TUSC3: variants seen among roughly 807,000 people sequenced by gnomAD.
The protein encoded by TUSC3 is tumor suppressor candidate 3, also known as dolichyl-diphosphooligosaccharide--protein glycosyltransferase subunit TUSC3.
In TUSC3, 45 loss-of-function variants were observed where a neutral mutation model predicts 44.8. The ratio of observed to expected loss-of-function variants is 1.00; its 90% CI spans 0.79 to 1.29. The LOEUF is 1.29. Ranked by LOEUF, TUSC3 falls within the 50% of genes most tolerant of loss-of-function variation. The pLI, the probability that TUSC3 is intolerant of heterozygous loss-of-function variation, is 0.00. For synonymous variants in TUSC3, 212 were observed against 152.9 expected, an observed-to-expected ratio of 1.39 and a Z score of -2.85; for missense variants, 519 against 437.9, an observed-to-expected ratio of 1.19 and a Z score of -1.65.
chr8:15,444,490 G>T (rs1800064915), intron 1 of TUSC3, among the ~76,000 whole-genome samples: 1 of 152,188 alleles, frequency 6.6e-6, no homozygotes, highest in African/African-American at 2.4e-5. Context: ...TCTTGCTGTA[G>T]GCAGACCAGG....
intron 1 of TUSC3, among the ~76,000 whole-genome samples, chr8:15,443,763 G>C (rs1424022424): frequency 7.9e-5 from 12 of 152,132 alleles, no homozygotes; most frequent in Admixed American, 7.9e-4. Context: ...GGCGCTACAA[G>C]ATTCTCACCC....
At chr8:15,760,734 G>C (rs1812137793) in intron 10 of TUSC3, among the ~76,000 whole-genome samples, 1 of 152,198 alleles carries the variant, frequency 6.6e-6, no homozygotes, top group South Asian at 2.1e-4. Flanking sequence ...TTTCAGCAAA[G>C]ACCCATGGCC....
At chr8:15,838,415 A>G in the TUSC3 span, among the ~76,000 whole-genome samples, 82 of 152,232 alleles carry the variant, frequency 5.4e-4, no homozygotes, top group African/African-American at 2.0e-3. Context: ...CAGTTTCCAG[A>G]TTCAACTATA....
At chr8:15,745,542 C>G (rs999576132) in intron 8 of TUSC3, among the ~76,000 whole-genome samples, 4 of 152,052 alleles carry the variant, frequency 2.6e-5, no homozygotes, top group Admixed American at 1.3e-4. Flanking sequence ...ATTTGCATTT[C>G]TCTGCTGAGT....
At chr8:15,755,748 G>A (rs752739521) in intron 9 of TUSC3, among the ~76,000 whole-genome samples, 2 of 151,944 alleles carry the variant, frequency 1.3e-5, no homozygotes, top group African/African-American at 2.4e-5. Context: ...AAAAAAAAAA[G>A]TAGAAGGTGT....
chr8:15,758,879 TC>T (rs992035149), intron 10 of TUSC3, among the ~76,000 whole-genome samples: 54 of 152,202 alleles, frequency 3.5e-4, no homozygotes, highest in African/African-American at 1.2e-3. Flanking sequence ...AAGCTTCCAT[TC>T]CCAGAGATGT....
the TUSC3 span, among the ~76,000 whole-genome samples, chr8:15,821,051 CT>C: frequency 6.6e-6 from 1 of 152,082 alleles, no homozygotes; most frequent in Non-Finnish European, 1.5e-5. Flanking sequence ...TGAAAATTTT[CT>C]TTAGCATTTT....
intron 1 of TUSC3, among the ~76,000 whole-genome samples, chr8:15,588,358 C>A (rs1803682547): frequency 6.6e-6 from 1 of 152,044 alleles, no homozygotes; most frequent in Admixed American, 6.6e-5. Context: ...TGTGTATCTT[C>A]TTTTTCGAAA....
chr8:15,594,152 T>A (rs1585135148), intron 1 of TUSC3, among the ~76,000 whole-genome samples: 1 of 152,208 alleles, frequency 6.6e-6, no homozygotes, highest in Non-Finnish European at 1.5e-5. Flanking sequence ...AATTTTAAAT[T>A]TGTCTTTTTT....
At chr8:15,773,087 C>G in the TUSC3 span, among the ~76,000 whole-genome samples, 1 of 128,154 alleles carries the variant, frequency 7.8e-6, no homozygotes, top group Non-Finnish European at 1.7e-5. Context: ...GGCAAGAATG[C>G]CTACTTTCGC....
intron 1 of TUSC3, among the ~76,000 whole-genome samples, chr8:15,543,641 AAATG>A (rs1801764246): frequency 6.6e-6 from 1 of 151,998 alleles, no homozygotes; most frequent in South Asian, 2.1e-4. Flanking sequence ...AGGATATAAT[AAATG>A]GTCACTAAGT....
rs1275919544 is a variant in TUSC3, at chr8:15,540,283, C to A, written c.-148C>A. The A allele has an allele frequency of 4.3e-6, 5 of 1,164,776 alleles. No individual in the cohort carries two copies. The highest frequency in any genetic ancestry group is 5.6e-6 in the Non-Finnish European group (5 of 892,122). 72.2% of individuals were successfully genotyped at this position (1,164,776 alleles called of 1,614,324 possible). On this transcript the variant is annotated 5_prime_UTR_variant, in exon 1 of 11. Coordinates refer to ENST00000503731, the MANE Select transcript of TUSC3 (RefSeq NM_006765.4). ...CTGTCAGTCTCCTCCTCTGCGTCCTCGGCCGCGGCCCGGGTCCCTCGCAAA... is the reference window on the plus strand; with the variant it reads ...CTGTCAGTCTCCTCCTCTGCGTCCTAGGCCGCGGCCCGGGTCCCTCGCAAA...
intron 2 of TUSC3, among the ~76,000 whole-genome samples, chr8:15,523,664 ATGTGTGTGTGTGTGTGTGTG>A (rs869090876): frequency 2.4e-4 from 10 of 42,510 alleles, no homozygotes; most frequent in African/African-American, 6.9e-4. Flanking sequence ...ATATATATAT[ATGTGTGTGTGTGTGTGTGTG>A]TGTGTGTGTG....
At chr8:15,551,692 G>T (rs542685750) in intron 1 of TUSC3, among the ~76,000 whole-genome samples, 1 of 151,830 alleles carries the variant, frequency 6.6e-6, no homozygotes, top group African/African-American at 2.4e-5. Flanking sequence ...AACTTAAGAA[G>T]TTATTTGTCT....
rs529654770 is a variant in TUSC3, at chr8:15,550,027, G to C, written c.138+9459G>C. ...ATGTGAGAGGGTCATGATCGATTGA[G>C]CAAGCACGGGGTACGTGACTGGGGG... On this transcript the variant is annotated intron_variant, in intron 1 of 10. Transcript: ENST00000503731. Among the ~76,000 whole-genome samples, 18 of 151,842 alleles carry C rather than the reference G, an allele frequency of 1.2e-4. 2 individuals carry two copies. In the South Asian group the frequency reaches 2.9e-3, roughly 25 times the overall value.
chr8:15,732,727 G>C (rs998911918), intron 7 of TUSC3, among the ~76,000 whole-genome samples: 1 of 152,102 alleles, frequency 6.6e-6, no homozygotes, highest in Non-Finnish European at 1.5e-5. Flanking sequence ...TAATGAAAAC[G>C]AAGGAATGAA....
At chr8:15,669,799 A>T (rs1807860934) in intron 5 of TUSC3, among the ~76,000 whole-genome samples, 1 of 151,766 alleles carries the variant, frequency 6.6e-6, no homozygotes, top group Admixed American at 6.6e-5. Context: ...CCTGCTCTTG[A>T]GTATTTTACT....
At chr8:15,693,358 G>T (rs1443394175) in intron 6 of TUSC3, among the ~76,000 whole-genome samples, 1 of 150,226 alleles carries the variant, frequency 6.7e-6, no homozygotes, top group Non-Finnish European at 1.5e-5. Flanking sequence ...TGGTGGTCAT[G>T]AATTCCCTTT....
At chr8:15,806,159 A>C in the TUSC3 span, 1 of 478,232 alleles carries the variant, frequency 2.1e-6, no homozygotes, top group South Asian at 1.8e-5. Flanking sequence ...AGCACATAGC[A>C]TCAGTTGATG....
Sources: gnomAD v4.1 joint callset for allele counts (sites outside exome capture counted in the v4.1 genomes callset) on GRCh38, gnomAD v4.1.1 for gene constraint, MANE v1.5 for transcripts, NCBI Gene and HGNC (gene_info 2026-07-23, HGNC 2026-07-21) for gene names.